Variants in FNIP2 observed in about 807,000 individuals in gnomAD.
FNIP2 encodes the protein folliculin interacting protein 2.
A neutral mutation model predicts 108.7 loss-of-function variants in FNIP2; 32 were observed. That is an observed-to-expected ratio of 0.29 (90% CI 0.22 to 0.40). The LOEUF (loss-of-function observed/expected upper bound fraction) is 0.40, where lower values mean the gene tolerates loss of function less well. Ranked by LOEUF, FNIP2 falls within the 10% of genes least tolerant of loss-of-function variation. FNIP2 has a pLI of 1.00. For synonymous variants in FNIP2, 480 were observed against 496.7 expected, an observed-to-expected ratio of 0.97 and a Z score of 0.45; for missense variants, 1,202 against 1,381.6, an observed-to-expected ratio of 0.87 and a Z score of 2.06.
intron 14 of FNIP2, among the ~76,000 whole-genome samples, chr4:158,881,621 TCG>T (rs1781639267): frequency 6.6e-6 from 1 of 152,226 alleles, no homozygotes; most frequent in South Asian, 2.1e-4. Context: ...TGACTGGTTT[TCG>T]TATTTTTTTG....
chr4:158,898,428 G>T (rs1262341204), intron 16 of FNIP2, among the ~76,000 whole-genome samples: 1 of 152,076 alleles, frequency 6.6e-6, no homozygotes, highest in African/African-American at 2.4e-5. Context: ...TTACTTTGGG[G>T]AGTATGGCCA....
chr4:158,813,050 C>T (rs1777366222), intron 1 of FNIP2, among the ~76,000 whole-genome samples: 1 of 152,050 alleles, frequency 6.6e-6, no homozygotes, highest in Non-Finnish European at 1.5e-5. Flanking sequence ...CCCTTCATGT[C>T]TCTTCGTAGC....
In FNIP2 at chr4:158,770,563, G is replaced by C. The variant is rs559022965; in HGVS notation, c.107+1244G>C. 2.0e-5 allele frequency among the ~76,000 whole-genome samples: 3 copies of C among 152,284 alleles called. No homozygotes were observed. The East Asian group carries it at 5.8e-4, about 29-fold the overall frequency. On this transcript the variant is annotated intron_variant, in intron 1 of 16. Coordinates refer to ENST00000264433, the MANE Select transcript of FNIP2 (RefSeq NM_020840.3). Reference sequence around the variant, plus strand: ...ATGTGAAAATTAAACGTGTGTGTGTGTGTGCACGCGCGCTCATGGAAGGCA... The same window carrying C: ...ATGTGAAAATTAAACGTGTGTGTGTCTGTGCACGCGCGCTCATGGAAGGCA...
intron 1 of FNIP2, among the ~76,000 whole-genome samples, chr4:158,776,442 C>T (rs944496056): frequency 1.3e-5 from 2 of 152,208 alleles, no homozygotes; most frequent in Non-Finnish European, 2.9e-5. Context: ...AGACTGCCAA[C>T]TCTCTCTCTG....
Position 158,882,856 on chromosome 4 carries a change from C to G in FNIP2, c.2950-8590C>G, listed in dbSNP as rs539598317. ...TCTCAAGTACCCAGGGACACAAATA[C>G]TGCGGAAGGCCGCAGGGTCTTCTGC... is the stretch of plus-strand genomic sequence containing the variant. On this transcript the variant is annotated intron_variant, in intron 14 of 16. Transcript: ENST00000264433. Among the ~76,000 whole-genome samples, 423 of 152,286 alleles carry G rather than the reference C, an allele frequency of 2.8e-3. 3 individuals are homozygous for G. The highest frequency in any genetic ancestry group is 9.7e-3 in the African/African-American group (402 of 41,556).
chr4:158,870,420 A>T lies in FNIP2; in HGVS notation c.2900A>T (p.Asp967Val), dbSNP rs78499672. 6.2e-7 allele frequency: 1 copy of T among 1,614,000 alleles called. No homozygotes were observed. Among genetic ancestry groups the T allele is most frequent in the Non-Finnish European group, 8.5e-7 (1 of 1,179,870 alleles). ...CTTGTGCTTCATGGGACCGGCAGTG[A>T]TGAGAAGCTGAAGCAGTGCCTGGTG... ...PDLVLHGTGS[D>V]EKLKQCLVAD... The change falls in exon 14 of 17, where the codon GAT becomes GTT. Residue 967 changes from aspartate (D) to valine (V), a missense_variant. By Grantham distance (152) the Asp-to-Val change is radical. Coordinates refer to ENST00000264433, the MANE Select transcript of FNIP2 (RefSeq NM_020840.3).
chr4:158,813,468 C>T (rs1777394716), intron 1 of FNIP2, among the ~76,000 whole-genome samples: 1 of 152,160 alleles, frequency 6.6e-6, no homozygotes, highest in Non-Finnish European at 1.5e-5. Context: ...GCTTATTTGC[C>T]ATTTGTATTA....
intron 1 of FNIP2, among the ~76,000 whole-genome samples, chr4:158,796,771 G>A (rs1437645431): frequency 6.6e-6 from 1 of 152,174 alleles, no homozygotes; most frequent in Non-Finnish European, 1.5e-5. Flanking sequence ...TTATGGTTAA[G>A]GAAACTGAGG....
chr4:158,773,499 T>C (rs1775763565), intron 1 of FNIP2, among the ~76,000 whole-genome samples: 1 of 152,240 alleles, frequency 6.6e-6, no homozygotes, highest in East Asian at 1.9e-4. Context: ...GCATCAGACC[T>C]ATGTAACAAA....
intron 16 of FNIP2, among the ~76,000 whole-genome samples, chr4:158,902,838 A>G (rs1189446475): frequency 2.6e-5 from 4 of 151,878 alleles, no homozygotes; most frequent in Admixed American, 2.6e-4. Context: ...CCCTCCCCCA[A>G]CCAACCTCAA....
chr4:158,795,432 G>C (rs1776555232), intron 1 of FNIP2, among the ~76,000 whole-genome samples: 1 of 152,228 alleles, frequency 6.6e-6, no homozygotes, highest in South Asian at 2.1e-4. Context: ...CTGGCTCAGG[G>C]ATTCCTAACT....
At chr4:158,871,831 C>T (rs574045801) in intron 14 of FNIP2, 1 of 985,360 alleles carries the variant, frequency 1.0e-6, no homozygotes, top group African/African-American at 1.7e-5. Flanking sequence ...GCATCAATGA[C>T]CCCTGTAAGA....
Position 158,885,927 on chromosome 4 carries a change from AG to A in FNIP2, c.2950-5518del, listed in dbSNP as rs375579903. Among the ~76,000 whole-genome samples the A allele has an allele frequency of 2.3e-4, 35 of 152,300 alleles. No homozygotes were observed. In the East Asian group the frequency reaches 6.4e-3, roughly 28 times the overall value. ...TTGTAGACAATTTCTTGTTCGTGGA[AG>A]TTTAAGTTAAGCAGAAGTCATGTGT... is the stretch of plus-strand genomic sequence containing the variant. On this transcript the variant is annotated intron_variant, in intron 14 of 16. Transcript: ENST00000264433.
intron 16 of FNIP2, among the ~76,000 whole-genome samples, chr4:158,901,419 ATT>A (rs1379526750): frequency 6.6e-6 from 1 of 151,522 alleles, no homozygotes; most frequent in African/African-American, 2.4e-5. Flanking sequence ...TGCCCTTAAC[ATT>A]TTTTTCCTTC....
At chr4:158,784,963 A>G (rs896461166) in intron 1 of FNIP2, among the ~76,000 whole-genome samples, 1 of 152,208 alleles carries the variant, frequency 6.6e-6, no homozygotes, top group South Asian at 2.1e-4. Flanking sequence ...AGTGTATAGC[A>G]TAATACTAAG....
chr4:158,901,844 T>G (rs952072469), intron 16 of FNIP2, among the ~76,000 whole-genome samples: 7 of 151,936 alleles, frequency 4.6e-5, no homozygotes, highest in Non-Finnish European at 8.8e-5. Flanking sequence ...ATCAGGTCAT[T>G]TATGTTCTTC....
chr4:158,892,380 T>C (rs1782336469), intron 15 of FNIP2, among the ~76,000 whole-genome samples: 1 of 152,108 alleles, frequency 6.6e-6, no homozygotes, highest in African/African-American at 2.4e-5. Flanking sequence ...AGCAATCCGC[T>C]TCTTTCCAAA....
At chr4:158,888,679 A>T (rs1560834379) in intron 14 of FNIP2, among the ~76,000 whole-genome samples, 1 of 152,196 alleles carries the variant, frequency 6.6e-6, no homozygotes, top group South Asian at 2.1e-4. Context: ...ACTTGAGGCC[A>T]GGAGTTAGAG....
At chr4:158,872,041 A>G in intron 14 of FNIP2, 1 of 984,590 alleles carries the variant, frequency 1.0e-6, no homozygotes, top group Non-Finnish European at 1.2e-6. Flanking sequence ...TTTGATTTCT[A>G]ACAATATTGG....
Sources: allele counts gnomAD v4.1 joint callset (sites outside exome capture counted in the v4.1 genomes callset), GRCh38; gene constraint gnomAD v4.1.1; transcripts MANE v1.5; gene names NCBI Gene and HGNC (gene_info 2026-07-23, HGNC 2026-07-21).